Variants in TMPRSS11A observed in about 807,000 individuals in gnomAD.
The protein encoded by TMPRSS11A is transmembrane serine protease 11A.
TMPRSS11A carries 53 observed loss-of-function variants against 58.9 expected under a neutral mutation model. The observed-to-expected ratio is 0.90, with a 90% CI of 0.72 to 1.13. The LOEUF is 1.13. TMPRSS11A is among the 50% of genes most tolerant of loss of function. TMPRSS11A has a pLI of 0.00. For missense variants in TMPRSS11A, 493 were observed against 499.3 expected, an observed-to-expected ratio of 0.99 and a Z score of 0.12; for synonymous variants, 167 against 169.8, an observed-to-expected ratio of 0.98 and a Z score of 0.13.
chr4:67,954,436 C>A (rs1286523902), intron 1 of TMPRSS11A, among the ~76,000 whole-genome samples: 1 of 152,174 alleles, frequency 6.6e-6, no homozygotes, highest in Non-Finnish European at 1.5e-5. Context: ...ATCCATCTGA[C>A]CCTAATCAGT....
rs1720364861 is a variant in TMPRSS11A at position 67,922,819 on chromosome 4, G to A, written c.628C>T (p.His210Tyr). Residue 210 changes from histidine to tyrosine, a missense_variant, in exon 7 of 10, where the codon CAT becomes TAT. Coordinates refer to ENST00000508048, the MANE Select transcript of TMPRSS11A (RefSeq NM_001114387.2). ...WQASLQYDNIHQCGATLISNT... is the reference protein window; with the variant it reads ...WQASLQYDNIYQCGATLISNT... ...CTAATCAAGGTGGCCCCACACTGAT[G>A]GATGTTATCATACTGAAGGGAAGCT... 6 of 1,614,000 alleles carry A rather than the reference G, an allele frequency of 3.7e-6. No individual in the cohort carries two copies. Among genetic ancestry groups the A allele is most frequent in the Non-Finnish European group, 4.2e-6 (5 of 1,180,016 alleles).
intron 1 of TMPRSS11A, among the ~76,000 whole-genome samples, chr4:67,951,814 A>G (rs1251953232): frequency 6.6e-6 from 1 of 152,202 alleles, no homozygotes; most frequent in Non-Finnish European, 1.5e-5. Context: ...GTGCTAAGGT[A>G]CTAAATTCCA....
At chr4:67,956,289 G>A (rs1344974598) in intron 1 of TMPRSS11A, among the ~76,000 whole-genome samples, 4 of 152,068 alleles carry the variant, frequency 2.6e-5, no homozygotes, top group Admixed American at 6.6e-5. Context: ...CAACACAAGT[G>A]GCAGAGCTAA....
At chr4:67,955,323 G>C (rs1408882291) in intron 1 of TMPRSS11A, among the ~76,000 whole-genome samples, 1 of 152,190 alleles carries the variant, frequency 6.6e-6, no homozygotes, top group East Asian at 1.9e-4. Context: ...GGTAGGTAGT[G>C]CTTAACATTA....
chr4:67,955,032 G>T (rs1448986080), intron 1 of TMPRSS11A, among the ~76,000 whole-genome samples: 1 of 152,174 alleles, frequency 6.6e-6, no homozygotes, highest in African/African-American at 2.4e-5. Flanking sequence ...GAGCATTTTA[G>T]TGTGAGGATA....
chr4:67,922,176 G>A (rs959442016), intron 7 of TMPRSS11A, among the ~76,000 whole-genome samples: 2 of 152,132 alleles, frequency 1.3e-5, no homozygotes, highest in Admixed American at 1.3e-4. Flanking sequence ...TTGATACTCC[G>A]AGGAATCTCT....
In TMPRSS11A at chr4:67,910,458, A is replaced by G. The variant is rs1010984847; in HGVS notation, c.*884T>C. 8 of 152,080 alleles carry G rather than the reference A, an allele frequency of 5.3e-5. No homozygotes were observed. The highest frequency in any genetic ancestry group is 2.1e-4 in the South Asian group (1 of 4,826). 9.4% of individuals were successfully genotyped at this position (152,080 alleles called of 1,614,324 possible). A position where few individuals can be genotyped will look rare whatever the true frequency, so the allele number is the denominator to read the frequency against. ...GTATTAGTAAATGCTTATTTTTTTC[A>G]GGCATTTAACCCTACAATAATAATG... On this transcript the variant is annotated 3_prime_UTR_variant, in exon 10 of 10. Coordinates refer to ENST00000508048, the MANE Select transcript of TMPRSS11A (RefSeq NM_001114387.2).
intron 2 of TMPRSS11A, among the ~76,000 whole-genome samples, chr4:67,945,249 C>T (rs1172962909): frequency 3.3e-5 from 5 of 152,006 alleles, no homozygotes; most frequent in Non-Finnish European, 2.9e-5. Context: ...GTTGAGACTC[C>T]TAAGGAATTT....
chr4:67,948,147 C>CTTTTTTTTT (rs10577639), intron 1 of TMPRSS11A, among the ~76,000 whole-genome samples: 2 of 98,300 alleles, frequency 2.0e-5, no homozygotes, highest in African/African-American at 8.1e-5. Context: ...CAGTTTTTTT[C>CTTTTTTTTT]TTTTTTTTTT....
At chr4:67,957,633 G>A (rs911479941) in intron 1 of TMPRSS11A, among the ~76,000 whole-genome samples, 1 of 152,156 alleles carries the variant, frequency 6.6e-6, no homozygotes, top group Admixed American at 6.5e-5. Context: ...GAGCATAAAA[G>A]TTCAGAAAAT....
intron 1 of TMPRSS11A, among the ~76,000 whole-genome samples, chr4:67,962,282 C>A (rs1721450862): frequency 6.6e-6 from 1 of 151,992 alleles, no homozygotes; most frequent in African/African-American, 2.4e-5. Flanking sequence ...AGGACTGATG[C>A]AAACATGCAT....
intron 5 of TMPRSS11A, among the ~76,000 whole-genome samples, chr4:67,925,260 G>A (rs900996553): frequency 1.3e-5 from 2 of 152,078 alleles, no homozygotes; most frequent in Non-Finnish European, 2.9e-5. Context: ...GCATCATGTT[G>A]TATACAGTAT....
Position 67,911,137 on chromosome 4 carries a change from C to T in TMPRSS11A, c.*205G>A, listed in dbSNP as rs576338552. 1.3e-5 allele frequency: 6 copies of T among 461,652 alleles called. No homozygotes were observed. The highest frequency in any genetic ancestry group is 2.3e-5 in the Non-Finnish European group (6 of 260,166). 28.6% of individuals were successfully genotyped at this position (461,652 alleles called of 1,614,324 possible). A position where few individuals can be genotyped will look rare whatever the true frequency, so the allele number is the denominator to read the frequency against. Reference sequence around the variant, plus strand: ...TCTACCGTATTTTTCAAGCCAGATCCATTACTTTACAAATAAAAGTCCCTT... The same window carrying T: ...TCTACCGTATTTTTCAAGCCAGATCTATTACTTTACAAATAAAAGTCCCTT... On this transcript the variant is annotated 3_prime_UTR_variant, in exon 10 of 10. Coordinates refer to ENST00000508048, the MANE Select transcript of TMPRSS11A (RefSeq NM_001114387.2).
At chr4:67,916,440 G>A (rs1720148575) in intron 8 of TMPRSS11A, among the ~76,000 whole-genome samples, 1 of 150,602 alleles carries the variant, frequency 6.6e-6, no homozygotes, top group African/African-American at 2.5e-5. Context: ...AAATTATTCT[G>A]TTATTTGAAT....
chr4:67,948,745 T>C (rs746731592), intron 1 of TMPRSS11A, among the ~76,000 whole-genome samples: 3 of 152,170 alleles, frequency 2.0e-5, no homozygotes, highest in Non-Finnish European at 4.4e-5. Flanking sequence ...TGACATTATT[T>C]AACCTCCTAA....
chr4:67,958,513 A>G (rs1721344019), intron 1 of TMPRSS11A, among the ~76,000 whole-genome samples: 2 of 152,060 alleles, frequency 1.3e-5, no homozygotes, highest in Admixed American at 6.6e-5. Context: ...ATTTTGGCCA[A>G]TTTCTCTGAT....
At chr4:67,937,307 C>G (rs1166798118) in intron 3 of TMPRSS11A, among the ~76,000 whole-genome samples, 1 of 152,142 alleles carries the variant, frequency 6.6e-6, no homozygotes, top group Admixed American at 6.5e-5. Context: ...CTTCATCTTT[C>G]TCTATTACAG....
intron 3 of TMPRSS11A, among the ~76,000 whole-genome samples, chr4:67,940,082 G>A (rs1380480181): frequency 6.6e-6 from 1 of 152,178 alleles, no homozygotes; most frequent in Non-Finnish European, 1.5e-5. Context: ...CAGAAATAAA[G>A]CCTACTTGAT....
intron 7 of TMPRSS11A, among the ~76,000 whole-genome samples, chr4:67,919,691 A>G (rs571030730): frequency 1.3e-5 from 2 of 152,318 alleles, no homozygotes; most frequent in South Asian, 4.1e-4. Context: ...AAATAGGGTA[A>G]CGGAATAGAG....
Sources: allele counts gnomAD v4.1 joint callset (sites outside exome capture counted in the v4.1 genomes callset), GRCh38; gene constraint gnomAD v4.1.1; transcripts MANE v1.5; gene names NCBI Gene and HGNC (gene_info 2026-07-23, HGNC 2026-07-21).